CLIC6: variants seen among roughly 807,000 people sequenced by gnomAD.
CLIC6 encodes chloride intracellular channel protein 6.
In CLIC6, 39 loss-of-function variants were observed where a neutral mutation model predicts 49.2. The ratio of observed to expected loss-of-function variants is 0.79; its 90% CI spans 0.61 to 1.04. The LOEUF (loss-of-function observed/expected upper bound fraction) is 1.04, where lower values mean the gene tolerates loss of function less well. Among genes scored for constraint, CLIC6 ranks in the 50% least tolerant of loss-of-function variants. CLIC6 has a pLI of 0.00. For missense variants in CLIC6, 988 were observed against 993.1 expected, an observed-to-expected ratio of 0.99 and a Z score of 0.07; for synonymous variants, 446 against 433.4, an observed-to-expected ratio of 1.03 and a Z score of -0.36.
rs2056039491 is a variant in CLIC6, at chr21:34,709,365, A to G, written c.1726A>G (p.Lys576Glu). 1 of 1,612,392 alleles carries G rather than the reference A, an allele frequency of 6.2e-7. No homozygotes were observed. The highest frequency in any genetic ancestry group is 1.3e-5 in the African/African-American group (1 of 74,774). The change falls in exon 5 of 6, where the codon AAG becomes GAG. Residue 576 changes from lysine to glutamate, a missense_variant. By Grantham distance (56) the Lys-to-Glu change is moderately conservative (BLOSUM62 1). Transcript: ENST00000349499. Reference sequence around the variant, plus strand: ...TTGCCCTTCTGTTTTAGTTCATGAAAAGAACCTGCTGAAGGCCCTGAGGAA... The same window carrying G: ...TTGCCCTTCTGTTTTAGTTCATGAAGAGAACCTGCTGAAGGCCCTGAGGAA... ...TKKDANEIHE[K>E]NLLKALRKLD... is the part of the protein sequence containing the mutation.
chr21:34,688,604 A>T (rs1169945902), intron 1 of CLIC6, among the ~76,000 whole-genome samples: 1 of 152,190 alleles, frequency 6.6e-6, no homozygotes, highest in Non-Finnish European at 1.5e-5. Context: ...GAGGTGGGGG[A>T]TAAGACCAGC....
chr21:34,702,176 G>T (rs1039498262), intron 1 of CLIC6, among the ~76,000 whole-genome samples: 7 of 152,252 alleles, frequency 4.6e-5, no homozygotes, highest in Admixed American at 3.3e-4. Context: ...GAAGATGGGG[G>T]GCTGTTGACT....
chr21:34,679,407 G>A (rs964579567), intron 1 of CLIC6, among the ~76,000 whole-genome samples: 3 of 152,122 alleles, frequency 2.0e-5, no homozygotes, highest in African/African-American at 4.8e-5. Flanking sequence ...ATTACAATTC[G>A]AGGTGAGATT....
chr21:34,706,487 A>C (rs1001991804), intron 1 of CLIC6, among the ~76,000 whole-genome samples: 3 of 152,196 alleles, frequency 2.0e-5, no homozygotes, highest in Non-Finnish European at 4.4e-5. Context: ...TAAAGTACCC[A>C]AACCTTAAGA....
chr21:34,685,578 A>C (rs1422254213), intron 1 of CLIC6, among the ~76,000 whole-genome samples: 4 of 152,124 alleles, frequency 2.6e-5, no homozygotes, highest in Non-Finnish European at 5.9e-5. Context: ...GGATGTCTTC[A>C]ACTCTCTTCC....
At position 34,669,546 on chromosome 21, in the gene CLIC6, G is replaced by C. The variant is rs541945473; in HGVS notation, c.158G>C (p.Gly53Ala). The C allele has an allele frequency of 1.5e-4, 188 of 1,245,350 alleles. No individual in the cohort carries two copies. The African/African-American group carries it at 2.7e-3, about 18-fold the overall frequency. 77.1% of individuals were successfully genotyped at this position (1,245,350 alleles called of 1,614,324 possible). The change falls in exon 1 of 6, where the codon GGC becomes GCC. Residue 53 changes from glycine to alanine, a missense_variant. Physicochemically the swap from Gly to Ala is moderately conservative, Grantham distance 60. This residue lies in a region of CLIC6 where 284 missense variants were observed against 278.6 expected (regional missense o/e 1.02). Coordinates refer to ENST00000349499, the MANE Select transcript of CLIC6 (RefSeq NM_053277.3). The stretch of plus-strand genomic sequence containing the variant: ...GAGGGCGCAGAGGAGGCGCCGAGGG[G>C]CGCCGCCGCTGTGAAGGAGGCAGGA... ...GSEGAEEAPR[G>A]AAAVKEAGGG...
At chr21:34,671,950 T>C (rs1000737355) in intron 1 of CLIC6, among the ~76,000 whole-genome samples, 2 of 152,156 alleles carry the variant, frequency 1.3e-5, no homozygotes, top group African/African-American at 2.4e-5. Context: ...CACCAGCCCC[T>C]GAGAGGCTGC....
intron 1 of CLIC6, among the ~76,000 whole-genome samples, chr21:34,680,411 C>T (rs1259259798): frequency 1.3e-5 from 2 of 152,214 alleles, no homozygotes; most frequent in Non-Finnish European, 2.9e-5. Flanking sequence ...GAGGGGTTGC[C>T]ACAAAGGTCA....
chr21:34,707,848 T>C (rs930759739), intron 2 of CLIC6, 96 bp from the exon 3 acceptor site: 48 of 1,333,790 alleles, frequency 3.6e-5, no homozygotes, highest in Non-Finnish European at 4.5e-5. Flanking sequence ...TTCTCAAGAG[T>C]TGCTTCTCTT....
chr21:34,697,569 G>A (rs1324920579), intron 1 of CLIC6, among the ~76,000 whole-genome samples: 1 of 152,200 alleles, frequency 6.6e-6, no homozygotes, highest in Non-Finnish European at 1.5e-5. Flanking sequence ...TCTTGGTGAG[G>A]AAAACATCAA....
chr21:34,705,431 C>T (rs1010472759), intron 1 of CLIC6, among the ~76,000 whole-genome samples: 26 of 152,120 alleles, frequency 1.7e-4, no homozygotes, highest in African/African-American at 6.0e-4. Context: ...CGAGGGGATG[C>T]TTTTCAGGGC....
Position 34,707,307 on chromosome 21 carries a change from A to C in CLIC6, c.1402A>C (p.Asn468His). Residue 468 changes from asparagine to histidine, a missense_variant, in exon 2 of 6, where the codon AAT becomes CAT. Around this residue, in one of 3 missense-constraint regions of CLIC6, gnomAD observed 647 missense variants for 596.9 expected, o/e 1.08. Coordinates refer to ENST00000349499, the MANE Select transcript of CLIC6 (RefSeq NM_053277.3). ...KAGYDGESIG[N>H]CPFSQRLFMI... ...TGGTTATGATGGTGAGAGTATCGGA[A>C]ATTGCCCGTTTTCTCAGCGTCTCTT... 6.2e-7 allele frequency: 1 copy of C among 1,614,102 alleles called. No individual in the cohort carries two copies.
At chr21:34,678,275 CAAAA>C (rs375990037) in intron 1 of CLIC6, among the ~76,000 whole-genome samples, 3 of 122,922 alleles carry the variant, frequency 2.4e-5, no homozygotes, top group Admixed American at 8.4e-5. Flanking sequence ...ACTAAAAATA[CAAAA>C]AAAAAAAAAA....
chr21:34,689,277 C>A (rs191673708), intron 1 of CLIC6, among the ~76,000 whole-genome samples: 1 of 152,232 alleles, frequency 6.6e-6, no homozygotes, highest in Non-Finnish European at 1.5e-5. Context: ...GTGGTGAGAC[C>A]CACTCTTAGG....
intron 5 of CLIC6, among the ~76,000 whole-genome samples, chr21:34,711,086 C>A (rs1223948903): frequency 6.6e-6 from 1 of 152,162 alleles, no homozygotes; most frequent in Non-Finnish European, 1.5e-5. Context: ...AGGAAGAAGC[C>A]CATGCCTGGC....
chr21:34,685,325 A>T (rs1989856686), intron 1 of CLIC6, among the ~76,000 whole-genome samples: 1 of 152,196 alleles, frequency 6.6e-6, no homozygotes, highest in Non-Finnish European at 1.5e-5. Context: ...TGGGGTCCTT[A>T]GGGTGAAGGC....
intron 1 of CLIC6, among the ~76,000 whole-genome samples, chr21:34,699,582 G>A (rs565110437): frequency 6.6e-6 from 1 of 152,116 alleles, no homozygotes; most frequent in South Asian, 2.1e-4. Context: ...TGTTTTTAAA[G>A]TCACCTTAGA....
intron 1 of CLIC6, among the ~76,000 whole-genome samples, chr21:34,680,115 C>T (rs1989747951): frequency 6.6e-6 from 1 of 152,288 alleles, no homozygotes; most frequent in African/African-American, 2.4e-5. Context: ...CAGCAAACTT[C>T]TTCCTGGACA....
At chr21:34,712,104 AGT>A (rs1317824871) in intron 5 of CLIC6, among the ~76,000 whole-genome samples, 3 of 152,184 alleles carry the variant, frequency 2.0e-5, no homozygotes, top group African/African-American at 7.2e-5. Flanking sequence ...TAAGCTTTAG[AGT>A]GAGATTGCAG....
Sources: allele counts gnomAD v4.1 joint callset (sites outside exome capture counted in the v4.1 genomes callset), GRCh38; gene constraint gnomAD v4.1.1; regional missense constraint gnomAD v4.1.1; transcripts MANE v1.5; gene names NCBI Gene and HGNC (gene_info 2026-07-23, HGNC 2026-07-21).